The following SLC39A12 variants were observed in gnomAD, a reference collection of about 807,000 sequenced individuals.
SLC39A12 encodes the protein solute carrier family 39 member 12, also known as zinc transporter ZIP12.
A neutral mutation model predicts 71.1 loss-of-function variants in SLC39A12; 63 were observed. The observed-to-expected ratio is 0.89, with a 90% CI of 0.72 to 1.09. The LOEUF is 1.09. SLC39A12 is among the 50% of genes least tolerant of loss of function. SLC39A12 has a pLI of 0.00. For synonymous variants in SLC39A12, 351 were observed against 301.3 expected (o/e 1.16, Z -1.71); for missense variants, 892 against 812.6 (o/e 1.10, Z -1.19).
intron 12 of SLC39A12, among the ~76,000 whole-genome samples, chr10:18,030,893 CG>C (rs1554854774): frequency 6.8e-6 from 1 of 146,738 alleles, no homozygotes; most frequent in Non-Finnish European, 1.5e-5. Flanking sequence ...TGAGAATATG[CG>C]GTGTTTGGTT....
chr10:17,996,232 TAAC>T (rs1333194354), intron 10 of SLC39A12, among the ~76,000 whole-genome samples: 1 of 149,638 alleles, frequency 6.7e-6, no homozygotes, highest in Non-Finnish European at 1.5e-5. Flanking sequence ...AATTTTTAAT[TAAC>T]AAAGCTTGAT....
At chr10:17,972,552 C>A (rs1589225284) in intron 4 of SLC39A12, among the ~76,000 whole-genome samples, 1 of 152,064 alleles carries the variant, frequency 6.6e-6, no homozygotes. Context: ...ATTATTAAGT[C>A]CTCTTGCTGG....
chr10:18,023,552 T>C (rs1040928417), intron 12 of SLC39A12, among the ~76,000 whole-genome samples: 1 of 151,678 alleles, frequency 6.6e-6, no homozygotes, highest in Non-Finnish European at 1.5e-5. Flanking sequence ...AATGGGAATG[T>C]TCATTGTGGT....
chr10:18,030,030 C>G (rs1836792111), intron 12 of SLC39A12, among the ~76,000 whole-genome samples: 1 of 150,590 alleles, frequency 6.6e-6, no homozygotes, highest in African/African-American at 2.4e-5. Flanking sequence ...CCAAGAGATA[C>G]TATGGTTCAT....
In SLC39A12 at chr10:17,992,898, A is replaced by G. The variant is rs188173214; in HGVS notation, c.1423-283A>G. On this transcript the variant is annotated intron_variant, in intron 8 of 12. Coordinates refer to ENST00000377369, the MANE Select transcript of SLC39A12 (RefSeq NM_001145195.2). ...AGGGTACAATACAGTTTTGATTATTATCATTGCGGTATCTCCATCAGAAAG... is the reference window on the plus strand; with the variant it reads ...AGGGTACAATACAGTTTTGATTATTGTCATTGCGGTATCTCCATCAGAAAG... 1.9e-3 allele frequency among the ~76,000 whole-genome samples: 292 copies of G among 152,358 alleles called. 1 individual carries two copies. Among genetic ancestry groups the G allele is most frequent in the African/African-American group, 6.7e-3 (280 of 41,588 alleles).
chr10:17,996,162 A>G (rs1172676460), intron 10 of SLC39A12, among the ~76,000 whole-genome samples: 1 of 152,256 alleles, frequency 6.6e-6, no homozygotes, highest in East Asian at 1.9e-4. Flanking sequence ...TTGAGATGGT[A>G]GAATTCAAAT....
At chr10:17,991,699 A>G (rs1431427119) in intron 8 of SLC39A12, among the ~76,000 whole-genome samples, 1 of 152,238 alleles carries the variant, frequency 6.6e-6, no homozygotes, top group Non-Finnish European at 1.5e-5. Flanking sequence ...GGCATTTAAA[A>G]TTACAAAAAC....
chr10:18,036,208 T>G (rs1564665436), intron 12 of SLC39A12, among the ~76,000 whole-genome samples: 1 of 152,258 alleles, frequency 6.6e-6, no homozygotes, highest in Non-Finnish European at 1.5e-5. Flanking sequence ...TTTGTTTACC[T>G]AAGCAAGCCT....
chr10:17,977,171 A>C (rs149045312), intron 4 of SLC39A12, among the ~76,000 whole-genome samples: 1,555 of 152,172 alleles, frequency 0.01, 30 homozygotes, highest in African/African-American at 0.036. Flanking sequence ...AGATTTCCTT[A>C]TTAAAAATTG....
rs956487031 is a variant in SLC39A12, at chr10:17,993,303, A to T, written c.1533+12A>T. The T allele has an allele frequency of 5.8e-5, 87 of 1,492,272 alleles. No individual in the cohort carries two copies. Among genetic ancestry groups the T allele is most frequent in the Admixed American group, 4.9e-4 (25 of 50,750 alleles). 92.4% of individuals were successfully genotyped at this position (1,492,272 alleles called of 1,614,324 possible). A position where few individuals can be genotyped will look rare whatever the true frequency, so the allele number is the denominator to read the frequency against. On this transcript the variant is annotated intron_variant, in intron 9 of 12. Coordinates refer to ENST00000377369, the MANE Select transcript of SLC39A12 (RefSeq NM_001145195.2). ...CAACTATCCAGTTGGTAGGTTCCTG[A>T]TCTGAAGCATTCTACTGATCTGATT...
chr10:18,019,372 T>G (rs1274422711), intron 12 of SLC39A12, among the ~76,000 whole-genome samples: 1 of 152,040 alleles, frequency 6.6e-6, no homozygotes, highest in Non-Finnish European at 1.5e-5. Flanking sequence ...CTGTATTGAT[T>G]AACTGATTTT....
Position 18,003,318 on chromosome 10 carries a change from T to G in SLC39A12, c.1907T>G (p.Val636Gly). Residue 636 changes from valine (V) to glycine (G), a missense_variant, in exon 12 of 13, where the codon GTC (valine) becomes GGC (glycine). Coordinates refer to ENST00000377369, the MANE Select transcript of SLC39A12 (RefSeq NM_001145195.2). ...DPCVQDWIFTVTAGMFLYLSL... is the reference protein window; with the variant it reads ...DPCVQDWIFTGTAGMFLYLSL... ...TGTGTTCAAGACTGGATCTTCACAG[T>G]CACTGCTGGGATGTTCTTATATTTA... 6.2e-7 allele frequency: 1 copy of G among 1,614,038 alleles called. No homozygotes were observed.
Position 18,036,873 on chromosome 10 carries a change from G to A in SLC39A12, c.1948-5832G>A, listed in dbSNP as rs879663846. ...ACAGTCTCGACTCACTGCAACCTCC[G>A]CCTCCCAGGTTTAAACGATTCTCTT... On this transcript the variant is annotated intron_variant, in intron 12 of 12. Transcript: ENST00000377369. Among the ~76,000 whole-genome samples the A allele has an allele frequency of 2.7e-4, 39 of 144,588 alleles. No individual in the cohort carries two copies. In the East Asian group the frequency reaches 7.3e-3, roughly 27 times the overall value. The allele number at this position is 144,588 out of a possible 152,430, so 94.9% of individuals were successfully genotyped here.
intron 4 of SLC39A12, among the ~76,000 whole-genome samples, chr10:17,973,707 G>C (rs1835033389): frequency 6.6e-6 from 1 of 152,034 alleles, no homozygotes; most frequent in African/African-American, 2.4e-5. Context: ...AATGCCTTGA[G>C]GTAGTCGTCT....
At chr10:18,019,627 A>C (rs11492528) in intron 12 of SLC39A12, among the ~76,000 whole-genome samples, 29,469 of 151,760 alleles carry the variant, frequency 0.19, 2,977 homozygotes, top group Middle Eastern at 0.24. Context: ...TTCATTCGAA[A>C]CTTTTTTAGT....
intron 6 of SLC39A12, among the ~76,000 whole-genome samples, chr10:17,981,851 A>C (rs1835268505): frequency 6.6e-6 from 1 of 152,188 alleles, no homozygotes; most frequent in African/African-American, 2.4e-5. Flanking sequence ...TCTATAGTTG[A>C]CTCAATCATG....
chr10:18,012,778 A>G (rs1836263585), intron 12 of SLC39A12, among the ~76,000 whole-genome samples: 1 of 149,484 alleles, frequency 6.7e-6, no homozygotes, highest in African/African-American at 2.5e-5. Flanking sequence ...AGGCAGGAGA[A>G]TTGCTTGAAC....
At chr10:18,014,098 A>C (rs886636215) in intron 12 of SLC39A12, among the ~76,000 whole-genome samples, 1 of 152,092 alleles carries the variant, frequency 6.6e-6, no homozygotes. Flanking sequence ...TGAACGTGAG[A>C]TGTCTTTCCA....
chr10:18,008,374 A>C (rs767155104), intron 12 of SLC39A12, among the ~76,000 whole-genome samples: 7 of 152,070 alleles, frequency 4.6e-5, no homozygotes, highest in African/African-American at 1.4e-4. Flanking sequence ...ACTATCTCCC[A>C]TCACCTCCAG....
Sources: allele counts gnomAD v4.1 joint callset (sites outside exome capture counted in the v4.1 genomes callset), GRCh38; gene constraint gnomAD v4.1.1; transcripts MANE v1.5; gene names NCBI Gene and HGNC (gene_info 2026-07-23, HGNC 2026-07-21).